The following FGR variants were observed in gnomAD, a reference collection of about 807,000 sequenced individuals.
FGR encodes the protein tyrosine-protein kinase Fgr.
FGR carries 26 observed loss-of-function variants against 63.2 expected under a neutral mutation model. That is an observed-to-expected ratio of 0.41 (90% CI 0.30 to 0.57). FGR has a LOEUF of 0.57. Ranked by LOEUF, FGR falls within the 20% of genes least tolerant of loss-of-function variation. The pLI is 0.27. For synonymous variants in FGR, 286 were observed against 277.7 expected, an observed-to-expected ratio of 1.03 and a Z score of -0.30; for missense variants, 511 against 690.8, an observed-to-expected ratio of 0.74 and a Z score of 2.92.
chr1:27,622,840 C>G (rs2089955158), intron 4 of FGR, among the ~76,000 whole-genome samples: 1 of 152,178 alleles, frequency 6.6e-6, no homozygotes, highest in Non-Finnish European at 1.5e-5. Context: ...GCTTAAAAAT[C>G]ATCTCCTCCA....
Position 27,615,346 on chromosome 1 carries a change from C to T in FGR, c.1018+88G>A, listed in dbSNP as rs2089785009. Reference sequence around the variant, plus strand: ...GGACTCTGCCCATTGTCCCTTGTCCCTCACAGATCGCGTCCCAGGTCCCAC... The same window carrying T: ...GGACTCTGCCCATTGTCCCTTGTCCTTCACAGATCGCGTCCCAGGTCCCAC... On this transcript the variant is annotated intron_variant, in intron 9 of 12. Transcript: ENST00000374005. This position sits in a 1 kb window ranked among gnomAD's most constrained non-coding sequence, Gnocchi z 7.6. 7.0e-7 allele frequency: 1 copy of T among 1,438,576 alleles called. No individual in the cohort carries two copies. The allele number at this position is 1,438,576 out of a possible 1,614,324, so 89.1% of individuals were successfully genotyped here. A position where few individuals can be genotyped will look rare whatever the true frequency, so the allele number is the denominator to read the frequency against.
chr1:27,613,111 G>A lies in FGR; in HGVS notation c.1393C>T (p.Arg465Trp), dbSNP rs895105804. 6 of 1,614,134 alleles carry A rather than the reference G, an allele frequency of 3.7e-6. No homozygotes were observed. The highest frequency in any genetic ancestry group is 2.2e-5 in the East Asian group (1 of 44,878). Residue 465 changes from arginine (R) to tryptophan (W), a missense_variant, in exon 13 of 13, where the codon CGG (arginine) becomes TGG (tryptophan). Arg to Trp is a moderately radical substitution (Grantham distance 101). Coordinates refer to ENST00000374005, the MANE Select transcript of FGR (RefSeq NM_005248.3). ...GRIPYPGMNK[R>W]EVLEQVEQGY... Reference sequence around the variant, plus strand: ...TGCTCCACCTGTTCCAACACTTCCCGTTTATTCATGCCTGAAGGATGGGTC... The same window carrying A: ...TGCTCCACCTGTTCCAACACTTCCCATTTATTCATGCCTGAAGGATGGGTC...
chr1:27,621,817 G>A (rs142196287), intron 4 of FGR, among the ~76,000 whole-genome samples, 160 bp from the exon 5 acceptor site: 21 of 152,304 alleles, frequency 1.4e-4, no homozygotes, highest in East Asian at 9.7e-4. Context: ...CCCAGCCACT[G>A]CAGCTTCCCT....
chr1:27,613,277 C>A lies in FGR; in HGVS notation c.1323G>T (p.Val441=), dbSNP rs747551670. Residue 441 remains valine, a synonymous_variant, in exon 12 of 13, where the codon GTG becomes GTT. Coordinates refer to ENST00000374005, the MANE Select transcript of FGR (RefSeq NM_005248.3). ...CAGTGAGCAGGATCCCAAAGGACCA[C>A]ACGTCTGACTTGATGGTGAATCTGC... ...LFGRFTIKSD[V]WSFGILLTEL... is the part of the protein sequence containing the mutation. 7.4e-6 allele frequency: 12 copies of A among 1,614,212 alleles called. No homozygotes were observed. In the South Asian group the frequency reaches 9.9e-5, roughly 13 times the overall value.
At position 27,615,822 on chromosome 1, in the gene FGR, G is replaced by T; in HGVS notation, c.705C>A (p.Asn235Lys). 1 of 1,595,848 alleles carries T rather than the reference G, an allele frequency of 6.3e-7. No individual in the cohort carries two copies. The highest frequency in any genetic ancestry group is 8.5e-7 in the Non-Finnish European group (1 of 1,171,002). Reference protein sequence around the residue: ...HYMEVNDGLCNLLIAPCTIMK... With the variant: ...HYMEVNDGLCKLLIAPCTIMK... ...TGATGGTGCAGGGCGCGATGAGCAG[G>T]TTGCACAGCCCGTCATTCACCTCTA... The change falls in exon 8 of 13, where the codon AAC (asparagine) becomes AAA (lysine). Residue 235 changes from asparagine (N) to lysine (K), a missense_variant. Asn to Lys is a moderately conservative substitution (Grantham distance 94, BLOSUM62 0). Transcript: ENST00000374005. The surrounding 1 kb of genome is among the most constrained non-coding windows in gnomAD (Gnocchi z 7.6).
Position 27,617,393 on chromosome 1 carries a change from C to T in FGR, c.429-97G>A. On this transcript the variant is annotated intron_variant, in intron 5 of 12. Transcript: ENST00000374005. The surrounding 1 kb of genome is among the most constrained non-coding windows in gnomAD (Gnocchi z 4.5). ...TCACAAGCCAAGACTCCATTTTCCC[C>T]ATGTGTAAAATGGGGCTGGTACACC... The T allele has an allele frequency of 2.3e-6, 2 of 859,666 alleles. No individual in the cohort carries two copies. The highest frequency in any genetic ancestry group is 2.8e-5 in the South Asian group (2 of 70,970). The allele number at this position is 859,666 out of a possible 1,614,324, so 53.3% of individuals were successfully genotyped here.
intron 2 of FGR, 97 bp from the exon 3 acceptor site, chr1:27,624,026 G>A (rs964325877): frequency 6.7e-5 from 73 of 1,084,086 alleles, no homozygotes; most frequent in Middle Eastern, 3.1e-4. Flanking sequence ...ATACAGGCAC[G>A]TGGCTTTCCC....
chr1:27,620,947 A>G (rs1197659703), intron 5 of FGR, among the ~76,000 whole-genome samples: 1 of 138,920 alleles, frequency 7.2e-6, no homozygotes, highest in Non-Finnish European at 1.5e-5. Flanking sequence ...AGATTGTGCC[A>G]CTACACTACA....
chr1:27,616,836 A>G lies in FGR; in HGVS notation c.682+21T>C. The G allele has an allele frequency of 1.2e-6, 2 of 1,613,136 alleles. No individual in the cohort carries two copies. The highest frequency in any genetic ancestry group is 1.7e-6 in the Non-Finnish European group (2 of 1,179,208). The stretch of plus-strand genomic sequence containing the variant: ...AATGCTTCAGTTGGTTGGTTCAGGG[A>G]TCTGAGGCCCCTGCCCTCACCCATG... On this transcript the variant is annotated intron_variant, in intron 7 of 12. Coordinates refer to ENST00000374005, the MANE Select transcript of FGR (RefSeq NM_005248.3). This position sits in a 1 kb window ranked among gnomAD's most constrained non-coding sequence, Gnocchi z 4.3.
At chr1:27,624,015 C>A in intron 2 of FGR, 86 bp from the exon 3 acceptor site, 1 of 1,171,928 alleles carries the variant, frequency 8.5e-7, no homozygotes, top group South Asian at 1.5e-5. Flanking sequence ...CTCATACGCT[C>A]ATACAGGCAC....
At position 27,614,504 on chromosome 1, in the gene FGR, T is replaced by A. The variant is rs1463503186; in HGVS notation, c.1175A>T (p.Glu392Val). ...DLRAANILVG[E>V]RLACKIADFG... Reference sequence around the variant, plus strand: ...GTCTGCGATCTTGCACGCCAGCCGCTCCCCAACCAGGATGTTGGCTGCCCT... The same window carrying A: ...GTCTGCGATCTTGCACGCCAGCCGCACCCCAACCAGGATGTTGGCTGCCCT... Residue 392 changes from glutamate (E) to valine (V), a missense_variant, in exon 11 of 13, where the codon GAG becomes GTG. Physicochemically the swap from Glu to Val is moderately radical, Grantham distance 121 (BLOSUM62 -2). Coordinates refer to ENST00000374005, the MANE Select transcript of FGR (RefSeq NM_005248.3). The A allele has an allele frequency of 5.0e-6, 8 of 1,613,824 alleles. No homozygotes were observed. The highest frequency in any genetic ancestry group is 6.8e-6 in the Non-Finnish European group (8 of 1,179,972).
At chr1:27,632,847 T>C (rs1431542496) in intron 1 of FGR, among the ~76,000 whole-genome samples, 1 of 151,874 alleles carries the variant, frequency 6.6e-6, no homozygotes, top group African/African-American at 2.4e-5. Flanking sequence ...AGTGGGGCGG[T>C]GAGGGGGACA....
At position 27,616,986 on chromosome 1, in the gene FGR, G is replaced by T. The variant is rs768352044; in HGVS notation, c.553C>A (p.Arg185=). 1 of 1,614,098 alleles carries T rather than the reference G, an allele frequency of 6.2e-7. No homozygotes were observed. The highest frequency in any genetic ancestry group is 8.5e-7 in the Non-Finnish European group (1 of 1,179,976). Residue 185 remains arginine, a synonymous_variant, in exon 7 of 13, where the codon CGG becomes AGG. Transcript: ENST00000374005. The surrounding 1 kb of genome is among the most constrained non-coding windows in gnomAD (Gnocchi z 4.3). ...TCGCCTCTGGTCTGATCCCAGTCCC[G>T]GATGGACAGGGAGTAGGCACCTGTG... ...TTKGAYSLSI[R]DWDQTRGDHV...
Position 27,623,240 on chromosome 1 carries a change from C to T in FGR, c.227-96G>A, listed in dbSNP as rs1021308080. ...CCTGTTCCCCAGCCAGGTGCTGCAC[C>T]TCCCCACTCCTTTAGTGCTCTGGTT... On this transcript the variant is annotated intron_variant, in intron 3 of 12. Transcript: ENST00000374005. The T allele has an allele frequency of 7.1e-6, 6 of 840,884 alleles. No individual in the cohort carries two copies. In the African/African-American group the frequency reaches 8.4e-5, roughly 12 times the overall value. The allele number at this position is 840,884 out of a possible 1,614,324, so 52.1% of individuals were successfully genotyped here. A position where few individuals can be genotyped will look rare whatever the true frequency, so the allele number is the denominator to read the frequency against.
At chr1:27,634,804 T>C (rs1206608199) in intron 1 of FGR, among the ~76,000 whole-genome samples, 1 of 151,652 alleles carries the variant, frequency 6.6e-6, no homozygotes, top group Non-Finnish European at 1.5e-5. Flanking sequence ...CACTAGACCT[T>C]TTTGGGGGTC....
At chr1:27,627,525 A>T (rs1245303590) in intron 1 of FGR, among the ~76,000 whole-genome samples, 1 of 152,142 alleles carries the variant, frequency 6.6e-6, no homozygotes, top group Non-Finnish European at 1.5e-5. Flanking sequence ...CGCTTACTAT[A>T]TGCGCTGGCC....
intron 5 of FGR, 79 bp downstream of exon 5, chr1:27,621,480 A>G: frequency 1.0e-6 from 1 of 976,068 alleles, no homozygotes; most frequent in Non-Finnish European, 1.7e-6. Context: ...TGGAGCAATG[A>G]CTTGTCCAAG....
intron 1 of FGR, among the ~76,000 whole-genome samples, chr1:27,630,299 C>T (rs1014829866): frequency 1.3e-5 from 2 of 152,112 alleles, no homozygotes; most frequent in Middle Eastern, 3.2e-3. Flanking sequence ...GTGATCTGCC[C>T]GCCTCGGCCT....
intron 5 of FGR, 108 bp downstream of exon 5, chr1:27,621,451 T>A: frequency 9.5e-6 from 7 of 736,318 alleles, no homozygotes; most frequent in Non-Finnish European, 1.7e-5. Context: ...AATTATTAGA[T>A]AAGGAGACAG....
Sources: gnomAD v4.1 joint callset for allele counts (sites outside exome capture counted in the v4.1 genomes callset) on GRCh38, gnomAD v4.1.1 for gene constraint, Gnocchi (gnomAD v3.1) non-coding constraint, MANE v1.5 for transcripts, NCBI Gene and HGNC (gene_info 2026-07-23, HGNC 2026-07-21) for gene names.